The following FBXO9 variants were observed in gnomAD, a reference collection of about 807,000 sequenced individuals.
The protein encoded by FBXO9 is F-box protein 9, also known as F-box only protein 9.
A neutral mutation model predicts 63.7 loss-of-function variants in FBXO9; 43 were observed. The ratio of observed to expected loss-of-function variants is 0.67; its 90% confidence interval spans 0.53 to 0.87. The LOEUF (loss-of-function observed/expected upper bound fraction) is 0.87. Among genes scored for constraint, FBXO9 ranks in the 40% least tolerant of loss-of-function variants. The probability of loss-of-function intolerance (pLI) is 0.00; values close to 1 mark genes in which losing one functional copy is unlikely to be tolerated. For synonymous variants in FBXO9, 156 were observed against 171.7 expected, an observed-to-expected ratio of 0.91 and a Z score of 0.72; for missense variants, 442 against 533.2, an observed-to-expected ratio of 0.83 and a Z score of 1.68.
At chr6:53,096,972 T>C (rs147591245) in intron 12 of FBXO9, among the ~76,000 whole-genome samples, 30 of 152,354 alleles carry the variant, frequency 2.0e-4, no homozygotes, top group African/African-American at 7.0e-4. Flanking sequence ...GGTTATAGTT[T>C]ATACTTGACC....
intron 1 of FBXO9, 120 bp from the exon 2 acceptor site, chr6:53,070,937 G>A (rs961450230): frequency 1.5e-5 from 22 of 1,473,040 alleles, no homozygotes; most frequent in Non-Finnish European, 1.9e-5. Context: ...ACTCAAAGTG[G>A]GTTCCACAAA....
chr6:53,087,113 G>C (rs1762910561), intron 7 of FBXO9, among the ~76,000 whole-genome samples: 2 of 151,888 alleles, frequency 1.3e-5, no homozygotes, highest in Admixed American at 1.3e-4. Context: ...AGGCTGATGT[G>C]GATTGATGGG....
At chr6:53,066,651 C>T (rs1768709574) in intron 1 of FBXO9, among the ~76,000 whole-genome samples, 1 of 152,172 alleles carries the variant, frequency 6.6e-6, no homozygotes, top group African/African-American at 2.4e-5. Context: ...AAGGCAATTG[C>T]CCCTGCCCCT....
intron 10 of FBXO9, 107 bp from the exon 11 acceptor site, chr6:53,093,778 C>A: frequency 1.0e-6 from 1 of 967,004 alleles, no homozygotes; most frequent in South Asian, 1.8e-5. Context: ...TCAATCCTAG[C>A]TGATTCTTTT....
chr6:53,084,364 A>G (rs183981498), intron 7 of FBXO9, among the ~76,000 whole-genome samples: 78 of 152,312 alleles, frequency 5.1e-4, no homozygotes, highest in African/African-American at 1.8e-3. Context: ...TTTTTAACCA[A>G]TGAATACTAA....
At chr6:53,065,244 AG>A (rs1484261605), upstream of FBXO9, 1 of 152,620 alleles carries the variant, frequency 6.6e-6, no homozygotes, top group Non-Finnish European at 1.5e-5. Flanking sequence ...GTGTTCACTC[AG>A]CCCAACACGC....
At chr6:53,069,475 G>C (rs572615421) in intron 1 of FBXO9, among the ~76,000 whole-genome samples, 1 of 152,248 alleles carries the variant, frequency 6.6e-6, no homozygotes, top group East Asian at 1.9e-4. Context: ...CTGCATTCTA[G>C]AACATTTCTC....
At chr6:53,097,278 CTA>C (rs1296525614) in intron 12 of FBXO9, among the ~76,000 whole-genome samples, 1 of 152,076 alleles carries the variant, frequency 6.6e-6, no homozygotes, top group African/African-American at 2.4e-5. Flanking sequence ...CTTAAAAATT[CTA>C]TCTTAGGAAT....
rs1358406068 is a variant in FBXO9, at chr6:53,099,801, G to C, written c.*1971G>C. 2 of 152,204 alleles carry C rather than the reference G, an allele frequency of 1.3e-5. No homozygotes were observed. Among genetic ancestry groups the C allele is most frequent in the Admixed American group, 1.3e-4 (2 of 15,266 alleles). The allele number at this position is 152,204 out of a possible 1,614,324, so 9.4% of individuals were successfully genotyped here. A position where few individuals can be genotyped will look rare whatever the true frequency, so the allele number is the denominator to read the frequency against. On this transcript the variant is annotated 3_prime_UTR_variant, in exon 13 of 13. Transcript: ENST00000323557. ...GCAATCTGAGAAGTGTGTTTTTCAA[G>C]TTGGAAAGGAAGGAGAAAAGCAACT...
chr6:53,072,412 G>A (rs1358244089), intron 2 of FBXO9, among the ~76,000 whole-genome samples: 2 of 152,176 alleles, frequency 1.3e-5, no homozygotes, highest in African/African-American at 4.8e-5. Context: ...AATGGGCAGG[G>A]AGAAGACCAG....
At chr6:53,091,358 C>T (rs1763034142) in intron 7 of FBXO9, 1 of 152,046 alleles carries the variant, frequency 6.6e-6, no homozygotes, top group Admixed American at 6.6e-5. Context: ...ACATCTTTTA[C>T]TTAGCTTTTT....
At chr6:53,096,708 C>A (rs1763222651) in intron 12 of FBXO9, among the ~76,000 whole-genome samples, 1 of 152,092 alleles carries the variant, frequency 6.6e-6, no homozygotes, top group Non-Finnish European at 1.5e-5. Flanking sequence ...AGTTTGAGAC[C>A]AGCCTGGGCA....
intron 3 of FBXO9, among the ~76,000 whole-genome samples, chr6:53,076,105 T>C (rs1044918627): frequency 1.3e-5 from 2 of 152,206 alleles, no homozygotes; most frequent in Non-Finnish European, 2.9e-5. Flanking sequence ...AAGTCTTTTA[T>C]TGAATATGTG....
At position 53,093,939 on chromosome 6, in the gene FBXO9, G is replaced by T; in HGVS notation, c.1014G>T (p.Gln338His). Residue 338 changes from glutamine to histidine, a missense_variant, in exon 11 of 13, where the codon CAG (glutamine) becomes CAT (histidine). By Grantham distance (24) the Gln-to-His change is conservative. Transcript: ENST00000323557. ...GCTTGTCACAAGACACAGACAATCA[G>T]ACCAAAGTATTTGCTGTAATAACTA... ...HYRLSQDTDN[Q>H]TKVFAVITKK... 1 of 1,554,188 alleles carries T rather than the reference G, an allele frequency of 6.4e-7. No homozygotes were observed. The highest frequency in any genetic ancestry group is 1.2e-5 in the South Asian group (1 of 83,884).
intron 7 of FBXO9, among the ~76,000 whole-genome samples, chr6:53,086,547 T>G (rs1340673535): frequency 6.6e-6 from 1 of 152,186 alleles, no homozygotes; most frequent in Non-Finnish European, 1.5e-5. Flanking sequence ...TAAACCTGAT[T>G]AAAAGGGTAC....
In FBXO9 at chr6:53,098,984, A is replaced by G. The variant is rs566747572; in HGVS notation, c.*1154A>G. The G allele has an allele frequency of 2.0e-5, 3 of 152,178 alleles. No homozygotes were observed. The highest frequency in any genetic ancestry group is 2.9e-5 in the Non-Finnish European group (2 of 68,044). The allele number at this position is 152,178 out of a possible 1,614,324, so 9.4% of individuals were successfully genotyped here. A position where few individuals can be genotyped will look rare whatever the true frequency, so the allele number is the denominator to read the frequency against. ...GTTGTTTCAACCATAGTTAGAGACA[A>G]ATTCTCATGTACTTTCAGAAATCAA... On this transcript the variant is annotated 3_prime_UTR_variant, in exon 13 of 13. Transcript: ENST00000323557.
At chr6:53,077,210 C>T (rs1032868883) in intron 4 of FBXO9, among the ~76,000 whole-genome samples, 1 of 151,984 alleles carries the variant, frequency 6.6e-6, no homozygotes, top group African/African-American at 2.4e-5. Flanking sequence ...CGCGGTGGCT[C>T]ACGCCTGTAA....
intron 7 of FBXO9, among the ~76,000 whole-genome samples, chr6:53,090,511 A>G (rs78511192): frequency 0.012 from 1,769 of 152,334 alleles, 36 homozygotes; most frequent in African/African-American, 0.039. Flanking sequence ...AAAAACAAAA[A>G]CAAAGAAAGA....
At position 53,065,539 on chromosome 6, in the gene FBXO9, C is replaced by T. The variant is rs532431249; in HGVS notation, c.-251C>T. ...GCTGGCAACGGGCGTCCCTCCACTCCCCGAGTCCCCGGCAGCCGCCGCCAC... is the reference window on the plus strand; with the variant it reads ...GCTGGCAACGGGCGTCCCTCCACTCTCCGAGTCCCCGGCAGCCGCCGCCAC... On this transcript the variant is annotated 5_prime_UTR_variant, in exon 1 of 13. Coordinates refer to ENST00000323557, the MANE Select transcript of FBXO9 (RefSeq NM_033480.3). The T allele has an allele frequency of 1.2e-4, 47 of 403,114 alleles. No individual in the cohort carries two copies. Among genetic ancestry groups the T allele is most frequent in the Admixed American group, 6.7e-4 (15 of 22,364 alleles). 25.0% of individuals were successfully genotyped at this position (403,114 alleles called of 1,614,324 possible). A position where few individuals can be genotyped will look rare whatever the true frequency, so the allele number is the denominator to read the frequency against.
Sources: gnomAD v4.1 joint callset for allele counts (sites outside exome capture counted in the v4.1 genomes callset) on GRCh38, gnomAD v4.1.1 for gene constraint, MANE v1.5 for transcripts, NCBI Gene and HGNC (gene_info 2026-07-23, HGNC 2026-07-21) for gene names.